MEI1: variants seen among roughly 807,000 people sequenced by gnomAD.
The protein encoded by MEI1 is meiotic double-stranded break formation protein 1.
MEI1 carries 103 observed loss-of-function variants against 146.2 expected under a neutral mutation model. That is an observed-to-expected ratio of 0.70 (90% CI 0.60 to 0.83). The LOEUF (loss-of-function observed/expected upper bound fraction) is 0.83, where lower values mean the gene tolerates loss of function less well. MEI1 is among the 40% of genes least tolerant of loss of function. MEI1 has a pLI of 0.00. For missense variants in MEI1, 1,529 were observed against 1,533.0 expected (o/e 1.00, Z 0.04); for synonymous variants, 652 against 628.2 (o/e 1.04, Z -0.57).
At chr22:41,723,426 G>A (rs947743192) in intron 6 of MEI1, among the ~76,000 whole-genome samples, 1 of 152,122 alleles carries the variant, frequency 6.6e-6, no homozygotes, top group African/African-American at 2.4e-5. Flanking sequence ...TGTTGGCCAG[G>A]CTGGTCTTGA....
chr22:41,753,351 C>T (rs1225488377), intron 16 of MEI1, among the ~76,000 whole-genome samples: 2 of 151,812 alleles, frequency 1.3e-5, no homozygotes, highest in African/African-American at 2.4e-5. Flanking sequence ...CTGGTGGTAA[C>T]ACACCTTTAG....
chr22:41,760,603 G>T (rs1017325856), intron 18 of MEI1, among the ~76,000 whole-genome samples: 2 of 152,214 alleles, frequency 1.3e-5, no homozygotes, highest in Non-Finnish European at 2.9e-5. Flanking sequence ...ATTGTAGAAG[G>T]AAGGGCTTTA....
At chr22:41,706,017 CT>C (rs2069067742) in intron 3 of MEI1, among the ~76,000 whole-genome samples, 1 of 150,270 alleles carries the variant, frequency 6.7e-6, no homozygotes, top group Non-Finnish European at 1.5e-5. Flanking sequence ...CTTTCTTTTT[CT>C]CTCTCTCTTC....
At chr22:41,752,749 C>T (rs2072046342) in intron 16 of MEI1, 98 bp downstream of exon 16, 6 of 1,057,320 alleles carry the variant, frequency 5.7e-6, no homozygotes, top group Non-Finnish European at 8.6e-6. Flanking sequence ...TAGTCATGGG[C>T]TCATGGTGGT....
intron 19 of MEI1, 81 bp downstream of exon 19, chr22:41,763,402 G>C: frequency 1.3e-6 from 2 of 1,500,850 alleles, no homozygotes; most frequent in Non-Finnish European, 1.8e-6. Context: ...GATGATGATA[G>C]TGTATAGACA....
chr22:41,786,902 C>G (rs1243637227), intron 26 of MEI1, among the ~76,000 whole-genome samples: 1 of 152,240 alleles, frequency 6.6e-6, no homozygotes, highest in Non-Finnish European at 1.5e-5. Flanking sequence ...ATCCCGAGCC[C>G]TGACCCAATG....
At chr22:41,703,498 T>C (rs1489843303) in intron 2 of MEI1, 44 bp downstream of exon 2, 7 of 1,475,148 alleles carry the variant, frequency 4.7e-6, no homozygotes, top group Non-Finnish European at 6.3e-6. Context: ...GAATGTATAG[T>C]ATGTATATCT....
At position 41,718,129 on chromosome 22, in the gene MEI1, TTCTG is replaced by T. The variant is rs1273834248; in HGVS notation, c.594_597del (p.Cys199ThrfsTer48). 6 of 1,613,642 alleles carry T rather than the reference TTCTG, an allele frequency of 3.7e-6. No individual in the cohort carries two copies. The highest frequency in any genetic ancestry group is 5.1e-6 in the Non-Finnish European group (6 of 1,179,896). On this transcript the variant is annotated frameshift_variant, in exon 6 of 31. Coordinates refer to ENST00000401548, the MANE Select transcript of MEI1 (RefSeq NM_152513.4). LOFTEE classifies it high-confidence loss of function. Reference sequence around the variant, plus strand: ...TATACCCCAGTGAGGGCATACAAGCTTCTGTCTGTTACCTTTATGGGAAGCTATA... The same window carrying T: ...TATACCCCAGTGAGGGCATACAAGCTTCTGTTACCTTTATGGGAAGCTATA...
chr22:41,785,513 C>T (rs1284049580), intron 26 of MEI1, among the ~76,000 whole-genome samples: 3 of 151,822 alleles, frequency 2.0e-5, no homozygotes, highest in South Asian at 2.1e-4. Context: ...CCTCCCGCCT[C>T]GGCCTCCCAA....
chr22:41,738,736 C>T (rs1427223463), intron 11 of MEI1, among the ~76,000 whole-genome samples: 4 of 149,676 alleles, frequency 2.7e-5, no homozygotes, highest in South Asian at 2.1e-4. Context: ...CACGCCACTG[C>T]ACTACAGCTT....
In MEI1 at chr22:41,732,241, G is replaced by T; in HGVS notation, c.1097-4G>T. On this transcript the variant is annotated splice_polypyrimidine_tract_variant and splice_region_variant and intron_variant, in intron 9 of 30. Coordinates refer to ENST00000401548, the MANE Select transcript of MEI1 (RefSeq NM_152513.4). The stretch of plus-strand genomic sequence containing the variant: ...CTGGCCTCTGTCATGTCATCCTGTG[G>T]TAGGGATCGAGGCAGTGGTGAGGAG... The T allele has an allele frequency of 6.2e-7, 1 of 1,605,474 alleles. No homozygotes were observed.
intron 1 of MEI1, among the ~76,000 whole-genome samples, chr22:41,699,918 C>G (rs983979409): frequency 6.6e-6 from 1 of 152,238 alleles, no homozygotes; most frequent in Non-Finnish European, 1.5e-5. Context: ...CTGCGGGCCT[C>G]CGTGGAGCCC....
intron 14 of MEI1, among the ~76,000 whole-genome samples, chr22:41,747,852 C>T (rs1344368907): frequency 6.6e-6 from 1 of 151,700 alleles, no homozygotes; most frequent in African/African-American, 2.4e-5. Flanking sequence ...CACACCAGAC[C>T]ACATTTGTTT....
chr22:41,763,405 T>G, intron 19 of MEI1, 84 bp downstream of exon 19: 1 of 1,483,208 alleles, frequency 6.7e-7, no homozygotes, highest in Non-Finnish European at 9.2e-7. Context: ...GATGATAGTG[T>G]ATAGACAAGC....
intron 19 of MEI1, among the ~76,000 whole-genome samples, chr22:41,765,908 T>TC (rs2074819498): frequency 1.4e-5 from 2 of 141,976 alleles, no homozygotes; most frequent in African/African-American, 5.7e-5. Flanking sequence ...TTTTTTTTTT[T>TC]AGACGGAGTC....
chr22:41,750,167 G>A (rs1029602301), intron 15 of MEI1, among the ~76,000 whole-genome samples: 5 of 152,186 alleles, frequency 3.3e-5, no homozygotes, highest in Non-Finnish European at 7.3e-5. Context: ...GTGGGGATCA[G>A]GTGAGATTCT....
chr22:41,758,377 T>G lies in MEI1; in HGVS notation c.1964T>G (p.Val655Gly). Residue 655 changes from valine to glycine, a missense_variant, in exon 18 of 31, where the codon GTG (valine) becomes GGG (glycine). This residue lies in a region of MEI1 where 1,212 missense variants were observed against 1,178.9 expected (regional missense o/e 1.03). Transcript: ENST00000401548. ...GPPSKEELSA[V>G]SELLQHGLPQ... Reference sequence around the variant, plus strand: ...ATTCCCTCCCTAGAACTCTCTGCAGTGTCTGAGCTCCTGCAGCATGGGCTG... The same window carrying G: ...ATTCCCTCCCTAGAACTCTCTGCAGGGTCTGAGCTCCTGCAGCATGGGCTG... The G allele has an allele frequency of 6.2e-7, 1 of 1,613,204 alleles. No individual in the cohort carries two copies. Among genetic ancestry groups the G allele is most frequent in the South Asian group, 1.1e-5 (1 of 91,066 alleles).
In MEI1 at chr22:41,724,001, T is replaced by G. The variant is rs1481858582; in HGVS notation, c.792T>G (p.Asp264Glu). 1.2e-6 allele frequency: 2 copies of G among 1,613,338 alleles called. No individual in the cohort carries two copies. Among genetic ancestry groups the G allele is most frequent in the African/African-American group, 1.3e-5 (1 of 75,020 alleles). Reference sequence around the variant, plus strand: ...TTGTGTCCATGATCATGAACCAGGATGGACTGGGAGAAAGTGCTAAGAATA... The same window carrying G: ...TTGTGTCCATGATCATGAACCAGGAGGGACTGGGAGAAAGTGCTAAGAATA... Reference protein sequence around the residue: ...DLFVSMIMNQDGLGESAKNIE... With the variant: ...DLFVSMIMNQEGLGESAKNIE... Residue 264 changes from aspartate to glutamate, a missense_variant, in exon 7 of 31, where the codon GAT becomes GAG. Physicochemically the swap from Asp to Glu is conservative, Grantham distance 45. Around this residue, in one of 3 missense-constraint regions of MEI1, gnomAD observed 1,212 missense variants for 1,178.9 expected, o/e 1.03. Coordinates refer to ENST00000401548, the MANE Select transcript of MEI1 (RefSeq NM_152513.4).
At chr22:41,789,083 C>T (rs8136873) in intron 26 of MEI1, among the ~76,000 whole-genome samples, 27,012 of 152,054 alleles carry the variant, frequency 0.18, 6,333 homozygotes, top group African/African-American at 0.54. Context: ...GGAGCCAAGA[C>T]GGGCGGATCA....
Sources: gnomAD v4.1 joint callset for allele counts (sites outside exome capture counted in the v4.1 genomes callset) on GRCh38, gnomAD v4.1.1 for gene constraint, gnomAD v4.1.1 regional missense constraint, MANE v1.5 for transcripts, NCBI Gene and HGNC (gene_info 2026-07-23, HGNC 2026-07-21) for gene names.